Variants in TM7SF2 observed in about 807,000 individuals in gnomAD.
The protein encoded by TM7SF2 is transmembrane 7 superfamily member 2, also known as delta(14)-sterol reductase TM7SF2.
Under a neutral mutation model 51.0 loss-of-function variants are expected in TM7SF2, and 51 were observed. The observed-to-expected ratio is 1.00, with a 90% CI of 0.80 to 1.26. TM7SF2 has a LOEUF of 1.26. TM7SF2 is among the 50% of genes most tolerant of loss of function. The pLI, the probability that TM7SF2 is intolerant of heterozygous loss-of-function variation, is 0.00. For synonymous variants in TM7SF2, 255 were observed against 241.0 expected, an observed-to-expected ratio of 1.06 and a Z score of -0.54; for missense variants, 541 against 547.4, an observed-to-expected ratio of 0.99 and a Z score of 0.12.
Position 65,112,573 on chromosome 11 carries a change from C to T in TM7SF2, c.111C>T (p.Ala37=), listed in dbSNP as rs1247582083. The change falls in exon 2 of 10, where the codon GCC becomes GCT. Residue 37 remains alanine (A), a synonymous_variant. Transcript: ENST00000279263. ...CCATGTTCCACCTGCTCCTGGCGGC[C>T]CGTTCGGGCCCCGCGCGCCTGCTGG... ...PATMFHLLLA[A]RSGPARLLGP... is the part of the protein sequence containing the mutation. The T allele has an allele frequency of 2.6e-6, 4 of 1,523,344 alleles. No individual in the cohort carries two copies. The highest frequency in any genetic ancestry group is 3.5e-6 in the Non-Finnish European group (4 of 1,144,128). 94.4% of individuals were successfully genotyped at this position (1,523,344 alleles called of 1,614,324 possible). A position where few individuals can be genotyped will look rare whatever the true frequency, so the allele number is the denominator to read the frequency against.
chr11:65,112,743 G>T, intron 2 of TM7SF2, 32 bp downstream of exon 2: 1 of 1,549,194 alleles, frequency 6.5e-7, no homozygotes, highest in South Asian at 1.2e-5. Context: ...GCTCGGGGGA[G>T]GGAAGCGAAT....
rs1590818256 is a variant in TM7SF2 at position 65,116,066 on chromosome 11, A to G, written c.*13A>G. ...CTACATCTACTGAAGCGGCTCCACCACCCCAGGTGGGGGCATGTGCCCACT... is the reference window on the plus strand; with the variant it reads ...CTACATCTACTGAAGCGGCTCCACCGCCCCAGGTGGGGGCATGTGCCCACT... On this transcript the variant is annotated 3_prime_UTR_variant, in exon 10 of 10. Coordinates refer to ENST00000279263, the MANE Select transcript of TM7SF2 (RefSeq NM_003273.6). 1 of 1,596,574 alleles carries G rather than the reference A, an allele frequency of 6.3e-7. No individual in the cohort carries two copies. The highest frequency in any genetic ancestry group is 1.1e-5 in the South Asian group (1 of 90,814).
At position 65,115,952 on chromosome 11, in the gene TM7SF2, C is replaced by G; in HGVS notation, c.1156C>G (p.Arg386Gly). ...CTACTTCACCGCGCTGCTGGTGCAC[C>G]GTGAGGCCCGGGATGAGCGGCAGTG... ...LLYFTALLVH[R>G]EARDERQCLQ... Residue 386 changes from arginine (R) to glycine (G), a missense_variant, in exon 10 of 10, where the codon CGT (arginine) becomes GGT (glycine). Arg to Gly is a moderately radical substitution (Grantham distance 125). Transcript: ENST00000279263. 2 of 1,613,982 alleles carry G rather than the reference C, an allele frequency of 1.2e-6. No individual in the cohort carries two copies. Among genetic ancestry groups the G allele is most frequent in the East Asian group, 2.2e-5 (1 of 44,888 alleles).
intron 1 of TM7SF2, 195 bp downstream of exon 1, chr11:65,112,262 C>A: frequency 1.5e-6 from 1 of 668,544 alleles, no homozygotes; most frequent in East Asian, 3.0e-5. Flanking sequence ...GGCTGCAGAA[C>A]GGGGATTTAT....
intron 3 of TM7SF2, 64 bp from the exon 4 acceptor site, chr11:65,113,154 CGT>C: frequency 6.8e-7 from 1 of 1,460,422 alleles, no homozygotes; most frequent in Non-Finnish European, 9.1e-7. Context: ...TTGGGCTCTG[CGT>C]GTGTTTGCGG....
chr11:65,113,305 C>G lies in TM7SF2; in HGVS notation c.390C>G (p.Leu130=), dbSNP rs763341733. The part of the protein sequence containing the change: ...GLPLGALPEM[L]LPLAFVATLT... ...CTCTGGGGGCGCTCCCGGAAATGCT[C>G]CTGCCCTTGGCGTTTGTCGCCACCC... Residue 130 remains leucine (L), a synonymous_variant, in exon 4 of 10, where the codon CTC becomes CTG. Coordinates refer to ENST00000279263, the MANE Select transcript of TM7SF2 (RefSeq NM_003273.6). 1 of 1,613,080 alleles carries G rather than the reference C, an allele frequency of 6.2e-7. No individual in the cohort carries two copies. The highest frequency in any genetic ancestry group is 1.1e-5 in the South Asian group (1 of 91,086).
At position 65,114,694 on chromosome 11, in the gene TM7SF2, CCTTGTTCCCTCTCCCCAGGTCCT is replaced by C. The variant is rs1421464325; in HGVS notation, c.604-17_609del. ...GCTGCCACTTCTGTGGAGACTATTG[CCTTGTTCCCTCTCCCCAGGTCCT>C]CATCAACCTGGCCCTGTTGATGAAG... On this transcript the variant is annotated splice_acceptor_variant and splice_polypyrimidine_tract_variant and coding_sequence_variant and intron_variant, in exon 6 of 10. Coordinates refer to ENST00000279263, the MANE Select transcript of TM7SF2 (RefSeq NM_003273.6). LOFTEE classifies it high-confidence loss of function. The C allele has an allele frequency of 2.5e-6, 4 of 1,612,150 alleles. No individual in the cohort carries two copies. Among genetic ancestry groups the C allele is most frequent in the Non-Finnish European group, 3.4e-6 (4 of 1,178,992 alleles).
chr11:65,112,955 A>C, intron 3 of TM7SF2, 90 bp downstream of exon 3: 2 of 1,460,332 alleles, frequency 1.4e-6, no homozygotes, highest in Non-Finnish European at 1.9e-6. Flanking sequence ...ATTGGCCCCC[A>C]CCCCAGGCTC....
chr11:65,112,288 CAGG>C (rs1200287342), intron 1 of TM7SF2: 1 of 650,730 alleles, frequency 1.5e-6, no homozygotes, highest in East Asian at 3.1e-5. Flanking sequence ...CGACTGGGAG[CAGG>C]AGGAGGGTCT....
At position 65,116,073 on chromosome 11, in the gene TM7SF2, G is replaced by T. The variant is rs150748205; in HGVS notation, c.*20G>T. The T allele has an allele frequency of 2.1e-5, 33 of 1,595,014 alleles. No individual in the cohort carries two copies. In the East Asian group the frequency reaches 7.4e-4, roughly 36 times the overall value. ...TACTGAAGCGGCTCCACCACCCCAG[G>T]TGGGGGCATGTGCCCACTCATCCAC... On this transcript the variant is annotated 3_prime_UTR_variant, in exon 10 of 10. Transcript: ENST00000279263.
rs761460155 is a variant in TM7SF2 at position 65,114,789 on chromosome 11, A to G, written c.680A>G (p.Asn227Ser). The change falls in exon 6 of 10, where the codon AAT becomes AGT. Residue 227 changes from asparagine to serine, a missense_variant. Coordinates refer to ENST00000279263, the MANE Select transcript of TM7SF2 (RefSeq NM_003273.6). ...CCCTCACTGGCCATGTGGCTGGTCA[A>G]TGGCTTCCAGTTGCTCTACGTGGGT... ...GSPSLAMWLV[N>S]GFQLLYVGDA... 3.7e-6 allele frequency: 6 copies of G among 1,614,254 alleles called. No homozygotes were observed. In the South Asian group the frequency reaches 4.4e-5, roughly 12 times the overall value.
intron 1 of TM7SF2, 46 bp downstream of exon 1, chr11:65,112,113 G>C: frequency 1.3e-6 from 2 of 1,556,618 alleles, no homozygotes; most frequent in African/African-American, 2.7e-5. Context: ...CTAAGCGAAG[G>C]AGAGCTGGAG....
chr11:65,113,432 G>A lies in TM7SF2; in HGVS notation c.499+18G>A. The A allele has an allele frequency of 6.2e-7, 1 of 1,614,194 alleles. No individual in the cohort carries two copies. On this transcript the variant is annotated intron_variant, in intron 4 of 9. Transcript: ENST00000279263. ...GAACTCAGGTGAGAGGGGTCCTGGGGTGGAGACGGAGGCAGATTGGGGCGT... is the reference window on the plus strand; with the variant it reads ...GAACTCAGGTGAGAGGGGTCCTGGGATGGAGACGGAGGCAGATTGGGGCGT...
chr11:65,113,745 G>A, intron 5 of TM7SF2, 151 bp downstream of exon 5: 2 of 690,676 alleles, frequency 2.9e-6, no homozygotes, highest in Non-Finnish European at 4.9e-6. Flanking sequence ...CTGTGCCTAG[G>A]TACTGGGAGA....
At chr11:65,112,403 C>T (rs1947916895) in intron 1 of TM7SF2, 112 bp from the exon 2 acceptor site, 10 of 1,195,784 alleles carry the variant, frequency 8.4e-6, no homozygotes, top group Non-Finnish European at 1.1e-5. Flanking sequence ...GGTGCGGAGG[C>T]GCACTCTGGG....
At chr11:65,112,255 T>A in intron 1 of TM7SF2, 188 bp downstream of exon 1, 1 of 673,744 alleles carries the variant, frequency 1.5e-6, no homozygotes, top group Non-Finnish European at 2.5e-6. Context: ...TTCTGGGGGC[T>A]GCAGAACGGG....
chr11:65,113,034 C>A, intron 3 of TM7SF2, 169 bp downstream of exon 3: 1 of 1,052,984 alleles, frequency 9.5e-7, no homozygotes, highest in Non-Finnish European at 1.4e-6. Context: ...TCCCCACAGC[C>A]TTACCCCATT....
intron 9 of TM7SF2, 24 bp from the exon 10 acceptor site, chr11:65,115,869 G>A (rs776853364): frequency 2.0e-5 from 33 of 1,613,862 alleles, no homozygotes; most frequent in Admixed American, 1.5e-4. Context: ...CGGCAGGGTG[G>A]TCACAGAGCC....
rs951158490 is a variant in TM7SF2, at chr11:65,114,850, G to A, written c.723+18G>A. 45 of 1,614,110 alleles carry A rather than the reference G, an allele frequency of 2.8e-5. No homozygotes were observed. In the East Asian group the frequency reaches 3.6e-4, roughly 13 times the overall value. On this transcript the variant is annotated intron_variant, in intron 6 of 9. Coordinates refer to ENST00000279263, the MANE Select transcript of TM7SF2 (RefSeq NM_003273.6). ...GGCACGAGGTGAGGCTGGACTGGAC[G>A]AGGGTGGGTGTCTGAGGGCCGCATA...
Sources: allele counts gnomAD v4.1 joint callset, GRCh38; gene constraint gnomAD v4.1.1; transcripts MANE v1.5; gene names NCBI Gene and HGNC (gene_info 2026-07-23, HGNC 2026-07-21).